The following EBF2 variants were observed in gnomAD, a reference collection of about 807,000 sequenced individuals.
EBF2 encodes the protein transcription factor COE2.
In EBF2, 21 loss-of-function variants were observed where a neutral mutation model predicts 72.8. The observed-to-expected ratio is 0.29, with a 90% CI of 0.20 to 0.42. The LOEUF is 0.42. Among genes scored for constraint, EBF2 ranks in the 10% least tolerant of loss-of-function variants. The pLI is 1.00. For missense variants in EBF2, 637 were observed against 731.2 expected, an observed-to-expected ratio of 0.87 and a Z score of 1.49; for synonymous variants, 299 against 274.2, an observed-to-expected ratio of 1.09 and a Z score of -0.89.
intron 6 of EBF2, among the ~76,000 whole-genome samples, chr8:26,005,442 T>C (rs112983109): frequency 3.1e-5 from 1 of 31,996 alleles, no homozygotes; most frequent in African/African-American, 1.5e-4. Context: ...TATATTATAT[T>C]ATAAAATATA....
chr8:26,039,608 G>C (rs955059708), intron 5 of EBF2, among the ~76,000 whole-genome samples: 1 of 152,142 alleles, frequency 6.6e-6, no homozygotes, highest in Middle Eastern at 3.2e-3. Context: ...GTGGTCCCTC[G>C]CCCAGACTAG....
chr8:25,995,446 A>C (rs1804609618), intron 6 of EBF2, among the ~76,000 whole-genome samples: 1 of 152,222 alleles, frequency 6.6e-6, no homozygotes, highest in Non-Finnish European at 1.5e-5. Flanking sequence ...CATGAGCAAA[A>C]ATATCTGCTA....
intron 14 of EBF2, 151 bp from the exon 15 acceptor site, chr8:25,850,912 C>T (rs892826928): frequency 2.5e-5 from 20 of 806,414 alleles, no homozygotes; most frequent in South Asian, 1.0e-4. Context: ...ACAACATTCC[C>T]ACCATGTCCA....
chr8:25,877,642 A>G (rs1004326417), intron 10 of EBF2, among the ~76,000 whole-genome samples: 9 of 152,186 alleles, frequency 5.9e-5, no homozygotes, highest in African/African-American at 2.2e-4. Flanking sequence ...GATACAGAAA[A>G]TGTCAACAGT....
chr8:25,915,491 T>C (rs900786348), intron 6 of EBF2, among the ~76,000 whole-genome samples: 12 of 152,082 alleles, frequency 7.9e-5, no homozygotes, highest in African/African-American at 2.7e-4. Context: ...TCTGTGACTA[T>C]TTTAGAGGAC....
At chr8:25,970,628 C>A (rs114812972) in intron 6 of EBF2, among the ~76,000 whole-genome samples, 1 of 152,094 alleles carries the variant, frequency 6.6e-6, no homozygotes, top group Non-Finnish European at 1.5e-5. Flanking sequence ...GCTGCCTCTG[C>A]GGGCCAGAAT....
intron 6 of EBF2, among the ~76,000 whole-genome samples, chr8:26,013,834 C>T (rs7003404): frequency 0.21 from 31,904 of 152,104 alleles, 3,440 homozygotes; most frequent in African/African-American, 0.25. Flanking sequence ...ACATCCCCCA[C>T]CAATCATGGC....
Position 26,044,746 on chromosome 8 carries a change from A to G in EBF2, c.114T>C (p.Ala38=), listed in dbSNP as rs1335264018. The change falls in exon 1 of 16, where the codon GCT becomes GCC. Residue 38 remains alanine, a synonymous_variant. Coordinates refer to ENST00000520164, the MANE Select transcript of EBF2 (RefSeq NM_022659.4). The surrounding 1 kb of genome is among the most constrained non-coding windows in gnomAD (Gnocchi z 4.1). ...SWVRNVGVVD[A]NVAAQSGVAL... ...GTCGTTACCTCTGCGCGGCGACATTAGCGTCCACCACTCCGACATTCCGGA... is the reference window on the plus strand; with the variant it reads ...GTCGTTACCTCTGCGCGGCGACATTGGCGTCCACCACTCCGACATTCCGGA... 3.1e-6 allele frequency: 5 copies of G among 1,614,010 alleles called. No individual in the cohort carries two copies. The African/African-American group carries it at 4.0e-5, about 13-fold the overall frequency.
intron 6 of EBF2, among the ~76,000 whole-genome samples, chr8:25,971,671 A>C (rs1804191861): frequency 6.6e-6 from 1 of 152,232 alleles, no homozygotes; most frequent in African/African-American, 2.4e-5. Flanking sequence ...AAGAAAAAAA[A>C]ACACAAAACT....
intron 6 of EBF2, among the ~76,000 whole-genome samples, chr8:25,919,338 T>C (rs1403800922): frequency 6.6e-6 from 1 of 151,886 alleles, no homozygotes; most frequent in East Asian, 1.9e-4. Flanking sequence ...AGAAAGAAAG[T>C]AGGAAATGCA....
intron 10 of EBF2, among the ~76,000 whole-genome samples, chr8:25,877,397 T>C (rs1048542956): frequency 1.3e-5 from 2 of 152,236 alleles, no homozygotes; most frequent in Non-Finnish European, 2.9e-5. Context: ...GGACTTTCCC[T>C]AATGAGCCCT....
chr8:25,854,053 G>GGAGAAACC, intron 14 of EBF2, among the ~76,000 whole-genome samples: 1 of 152,158 alleles, frequency 6.6e-6, no homozygotes, highest in South Asian at 2.1e-4. Flanking sequence ...ATACATGGTA[G>GGAGAAACC]GAGAAACCAG....
chr8:25,997,829 T>A (rs763659534), intron 6 of EBF2, among the ~76,000 whole-genome samples: 8 of 152,098 alleles, frequency 5.3e-5, no homozygotes, highest in Non-Finnish European at 1.2e-4. Context: ...AGAACAGCAA[T>A]GTTGGTTCAA....
intron 6 of EBF2, among the ~76,000 whole-genome samples, chr8:26,004,601 G>A (rs1469503178): frequency 6.7e-6 from 1 of 150,078 alleles, no homozygotes; most frequent in East Asian, 1.9e-4. Flanking sequence ...TTGGAACCAG[G>A]GAGGCAGAGG....
At position 25,858,523 on chromosome 8, in the gene EBF2, G is replaced by A; in HGVS notation, c.1343-19C>T. 1 of 1,609,454 alleles carries A rather than the reference G, an allele frequency of 6.2e-7. No homozygotes were observed. The highest frequency in any genetic ancestry group is 8.5e-7 in the Non-Finnish European group (1 of 1,178,214). On this transcript the variant is annotated intron_variant, in intron 13 of 15. Transcript: ENST00000520164. ...ATGTACCCTTGGCAACAAAGAAAAA[G>A]CCCAGGTAAATCAACAGGCGTGCAC... is the stretch of plus-strand genomic sequence containing the variant.
At chr8:25,927,155 G>A (rs190414783) in intron 6 of EBF2, among the ~76,000 whole-genome samples, 15 of 152,060 alleles carry the variant, frequency 9.9e-5, no homozygotes, top group Non-Finnish European at 2.1e-4. Context: ...GGCAAAAACT[G>A]AAGTTTCCTG....
chr8:25,895,732 C>T (rs1381178168), intron 7 of EBF2, among the ~76,000 whole-genome samples: 1 of 152,198 alleles, frequency 6.6e-6, no homozygotes, highest in Non-Finnish European at 1.5e-5. Flanking sequence ...CAGTGGGGGT[C>T]ACCCTTCAGG....
intron 6 of EBF2, among the ~76,000 whole-genome samples, chr8:25,915,413 G>A (rs1215345616): frequency 6.6e-6 from 1 of 152,086 alleles, no homozygotes; most frequent in Non-Finnish European, 1.5e-5. Flanking sequence ...CCTTCATGTT[G>A]CAAAATAAAA....
At chr8:26,041,746 G>T (rs1246976003) in intron 2 of EBF2, among the ~76,000 whole-genome samples, 3 of 152,184 alleles carry the variant, frequency 2.0e-5, no homozygotes, top group African/African-American at 7.2e-5. Flanking sequence ...GCTCTCGCAG[G>T]TGCAAAATAA....
Sources: gnomAD v4.1 joint callset for allele counts (sites outside exome capture counted in the v4.1 genomes callset) on GRCh38, gnomAD v4.1.1 for gene constraint, Gnocchi (gnomAD v3.1) non-coding constraint, MANE v1.5 for transcripts, NCBI Gene and HGNC (gene_info 2026-07-23, HGNC 2026-07-21) for gene names.